The following PARD3B variants were observed in gnomAD, a reference collection of about 807,000 sequenced individuals.
The protein encoded by PARD3B is partitioning defective 3 homolog B.
Under a neutral mutation model 130.2 loss-of-function variants are expected in PARD3B, and 103 were observed. That is an observed-to-expected ratio of 0.79 (90% confidence interval 0.67 to 0.93). The LOEUF (loss-of-function observed/expected upper bound fraction) is 0.93, where lower values mean the gene tolerates loss of function less well. PARD3B is among the 40% of genes least tolerant of loss of function. The pLI is 0.00. For missense variants in PARD3B, 1,609 were observed against 1,499.2 expected, an observed-to-expected ratio of 1.07 and a Z score of -1.21; for synonymous variants, 583 against 553.2, an observed-to-expected ratio of 1.05 and a Z score of -0.76.
chr2:205,289,496 A>G (rs2041522392), intron 16 of PARD3B, among the ~76,000 whole-genome samples: 1 of 152,206 alleles, frequency 6.6e-6, no homozygotes, highest in African/African-American at 2.4e-5. Flanking sequence ...TGTTTTACAG[A>G]TAAGGAAACT....
intron 19 of PARD3B, among the ~76,000 whole-genome samples, chr2:205,411,084 T>C (rs1050540659): frequency 1.3e-5 from 2 of 152,110 alleles, no homozygotes; most frequent in African/African-American, 4.8e-5. Flanking sequence ...CATTTTTAGT[T>C]ACCATACTAT....
At chr2:204,701,779 C>T (rs140720701) in intron 2 of PARD3B, among the ~76,000 whole-genome samples, 3 of 151,806 alleles carry the variant, frequency 2.0e-5, no homozygotes, top group East Asian at 1.9e-4. Flanking sequence ...GGTACATGTA[C>T]GGGTTTGTTA....
At chr2:205,410,996 C>G (rs948281083) in intron 19 of PARD3B, among the ~76,000 whole-genome samples, 1 of 152,098 alleles carries the variant, frequency 6.6e-6, no homozygotes, top group Non-Finnish European at 1.5e-5. Context: ...TTCTGCATTT[C>G]CTGGACAGCT....
intron 1 of PARD3B, among the ~76,000 whole-genome samples, chr2:204,654,170 C>A (rs930369957): frequency 2.7e-5 from 4 of 150,938 alleles, no homozygotes; most frequent in African/African-American, 9.9e-5. Flanking sequence ...TGCCTGAGAC[C>A]CCACTTCTTG....
At chr2:205,504,955 G>A (rs1357029505) in intron 21 of PARD3B, among the ~76,000 whole-genome samples, 2 of 152,122 alleles carry the variant, frequency 1.3e-5, no homozygotes, top group African/African-American at 4.8e-5. Flanking sequence ...GTTTATTGTG[G>A]CACTATTCAC....
intron 16 of PARD3B, among the ~76,000 whole-genome samples, chr2:205,286,447 C>T (rs2041399835): frequency 6.6e-6 from 1 of 152,120 alleles, no homozygotes; most frequent in African/African-American, 2.4e-5. Flanking sequence ...TAAATAACTT[C>T]CTTAGATTCT....
chr2:205,475,893 A>G (rs966282600), intron 20 of PARD3B, among the ~76,000 whole-genome samples: 2 of 152,170 alleles, frequency 1.3e-5, no homozygotes, highest in Admixed American at 1.3e-4. Context: ...AGTTCTCTCC[A>G]ATATGCTTCC....
At position 205,520,425 on chromosome 2, in the gene PARD3B, G is replaced by A. The variant is rs149262485; in HGVS notation, c.3180+20394G>A. ...GGGTAGCAAGGGTGGTTCCACTGCAGAGGCAGTGGCAGAGAGGCTTTCAGT... is the reference window on the plus strand; with the variant it reads ...GGGTAGCAAGGGTGGTTCCACTGCAAAGGCAGTGGCAGAGAGGCTTTCAGT... On this transcript the variant is annotated intron_variant, in intron 21 of 22. Coordinates refer to ENST00000406610, the MANE Select transcript of PARD3B (RefSeq NM_001302769.2). 6.5e-3 allele frequency among the ~76,000 whole-genome samples: 989 copies of A among 152,284 alleles called. 9 individuals carry two copies. Among genetic ancestry groups the A allele is most frequent in the African/African-American group, 0.023 (942 of 41,554 alleles).
Position 205,325,301 on chromosome 2 carries a change from C to G in PARD3B, c.2630+23600C>G, listed in dbSNP as rs1304178384. On this transcript the variant is annotated intron_variant, in intron 18 of 22. Transcript: ENST00000406610. The surrounding 1 kb of genome is among the most constrained non-coding windows in gnomAD (Gnocchi z 4.1). ...GCCATAGATAAGTACATAAAATTAT[C>G]ATAATGTGCCATGACAGCATTAAGG... Among the ~76,000 whole-genome samples, 4 of 152,146 alleles carry G rather than the reference C, an allele frequency of 2.6e-5. No individual in the cohort carries two copies. Among genetic ancestry groups the G allele is most frequent in the Non-Finnish European group, 5.9e-5 (4 of 68,034 alleles).
chr2:204,625,613 ATTC>A (rs2034460433), intron 1 of PARD3B, among the ~76,000 whole-genome samples: 1 of 152,194 alleles, frequency 6.6e-6, no homozygotes, highest in African/African-American at 2.4e-5. Context: ...AATTAATTAA[ATTC>A]TTCTCTCTAA....
chr2:204,952,082 A>G (rs541955287), intron 2 of PARD3B, among the ~76,000 whole-genome samples: 50 of 152,332 alleles, frequency 3.3e-4, no homozygotes, highest in Non-Finnish European at 6.5e-4. Context: ...GGAAGCTTAG[A>G]GTCTTTAAGC....
At chr2:205,285,673 G>A (rs1362569597) in intron 16 of PARD3B, among the ~76,000 whole-genome samples, 1 of 152,102 alleles carries the variant, frequency 6.6e-6, no homozygotes, top group Admixed American at 6.6e-5. Context: ...CTGTCTCCAG[G>A]ACCATCTCTG....
chr2:204,793,746 A>T (rs1026632151), intron 2 of PARD3B, among the ~76,000 whole-genome samples: 2 of 151,950 alleles, frequency 1.3e-5, no homozygotes, highest in Non-Finnish European at 2.9e-5. Context: ...TGACTTCATG[A>T]TCCACCCACT....
intron 1 of PARD3B, among the ~76,000 whole-genome samples, chr2:204,612,148 T>G (rs2033952130): frequency 6.6e-6 from 1 of 152,188 alleles, no homozygotes; most frequent in African/African-American, 2.4e-5. Context: ...CACTATTTGG[T>G]GTGAGATGTG....
chr2:205,566,223 G>T (rs55645693), intron 22 of PARD3B, among the ~76,000 whole-genome samples: 6,793 of 152,228 alleles, frequency 0.045, 523 homozygotes, highest in African/African-American at 0.16. Flanking sequence ...ACCTTTGCGG[G>T]GTTTTAAGCA....
chr2:205,423,595 C>G (rs998225253), intron 19 of PARD3B, among the ~76,000 whole-genome samples: 1 of 152,140 alleles, frequency 6.6e-6, no homozygotes, highest in Non-Finnish European at 1.5e-5. Context: ...TAATAAGCAC[C>G]ATAGAAAATA....
At chr2:204,715,327 T>C (rs892137343) in intron 2 of PARD3B, among the ~76,000 whole-genome samples, 6 of 152,196 alleles carry the variant, frequency 3.9e-5, no homozygotes, top group African/African-American at 1.4e-4. Flanking sequence ...GCAAAATTCT[T>C]TTTAAAATGT....
chr2:205,152,855 T>A (rs2033856540), intron 10 of PARD3B, among the ~76,000 whole-genome samples: 1 of 152,212 alleles, frequency 6.6e-6, no homozygotes, highest in Non-Finnish European at 1.5e-5. Context: ...TTTAGAATTT[T>A]CAGCTTTTCT....
chr2:204,807,006 C>T (rs987608869), intron 2 of PARD3B, among the ~76,000 whole-genome samples: 3 of 152,074 alleles, frequency 2.0e-5, no homozygotes, highest in Non-Finnish European at 4.4e-5. Flanking sequence ...TCTGGGGAGG[C>T]TTCACAATTA....
Sources: allele counts gnomAD v4.1 joint callset (sites outside exome capture counted in the v4.1 genomes callset), GRCh38; gene constraint gnomAD v4.1.1; non-coding constraint Gnocchi (gnomAD v3.1); transcripts MANE v1.5; gene names NCBI Gene and HGNC (gene_info 2026-07-23, HGNC 2026-07-21).